ERBB4: variants seen among roughly 807,000 people sequenced by gnomAD.
ERBB4 encodes the protein receptor tyrosine-protein kinase erbB-4.
Under a neutral mutation model 158.0 loss-of-function variants are expected in ERBB4, and 42 were observed. That is an observed-to-expected ratio of 0.27 (90% CI 0.21 to 0.34). The LOEUF is 0.34. ERBB4 is among the 10% of genes least tolerant of loss of function. The probability of loss-of-function intolerance (pLI) is 1.00; values close to 1 mark genes in which losing one functional copy is unlikely to be tolerated. For missense variants in ERBB4, 1,333 were observed against 1,624.1 expected (o/e 0.82, Z 3.08); for synonymous variants, 583 against 558.7 (o/e 1.04, Z -0.61).
rs537957710 is a variant in ERBB4, at chr2:211,574,115, G to A, written c.2302-12027C>T. On this transcript the variant is annotated intron_variant, in intron 19 of 27. Transcript: ENST00000342788. ...TATCTAAAGGGAATAAAATCGTTAA[G>A]CAATAAGGCATGACTGAATCTGGAA... Among the ~76,000 whole-genome samples the A allele has an allele frequency of 2.0e-4, 30 of 152,282 alleles. No homozygotes were observed. The South Asian group carries it at 5.2e-3, about 26-fold the overall frequency.
chr2:211,850,368 T>C (rs970746922), intron 3 of ERBB4, among the ~76,000 whole-genome samples: 1 of 151,896 alleles, frequency 6.6e-6, no homozygotes, highest in Non-Finnish European at 1.5e-5. Flanking sequence ...AACATATATG[T>C]AGTGTATATA....
rs376951841 is a variant in ERBB4 at position 211,700,768 on chromosome 2, G to C, written c.1489+1199C>G. On this transcript the variant is annotated intron_variant, in intron 12 of 27. Transcript: ENST00000342788. ...ACACAAACTCAATCATTATTTATGT[G>C]TACCCTGGAGAGATCAAAGAAGTAA... 1.7e-4 allele frequency among the ~76,000 whole-genome samples: 26 copies of C among 152,078 alleles called. 1 individual carries two copies. Among genetic ancestry groups the C allele is most frequent in the African/African-American group, 6.3e-4 (26 of 41,494 alleles).
rs986536227 is a variant in ERBB4 at position 211,377,086 on chromosome 2, G to T, written c.*6529C>A. The stretch of plus-strand genomic sequence containing the variant: ...CTGGAGTAATCCCAAAAGGGTTCTT[G>T]GAGTGCTATGGTTGTAGTCCCCTCA... On this transcript the variant is annotated 3_prime_UTR_variant, in exon 28 of 28. Transcript: ENST00000342788. 2.6e-5 allele frequency: 6 copies of T among 233,020 alleles called. No individual in the cohort carries two copies. Among genetic ancestry groups the T allele is most frequent in the South Asian group, 3.6e-4 (2 of 5,520 alleles). 14.4% of individuals were successfully genotyped at this position (233,020 alleles called of 1,614,324 possible). A position where few individuals can be genotyped will look rare whatever the true frequency, so the allele number is the denominator to read the frequency against.
intron 20 of ERBB4, among the ~76,000 whole-genome samples, chr2:211,549,552 G>A (rs972084379): frequency 1.3e-5 from 2 of 152,004 alleles, no homozygotes; most frequent in Non-Finnish European, 2.9e-5. Flanking sequence ...CACGTTGATC[G>A]GGTACAAGAG....
chr2:212,161,822 G>C (rs2081210375), intron 1 of ERBB4, among the ~76,000 whole-genome samples: 1 of 151,760 alleles, frequency 6.6e-6, no homozygotes. Context: ...GTGTAACGTG[G>C]TGATAAAAAT....
At chr2:212,200,011 A>G (rs1298861074) in intron 1 of ERBB4, among the ~76,000 whole-genome samples, 1 of 152,218 alleles carries the variant, frequency 6.6e-6, no homozygotes, top group East Asian at 1.9e-4. Context: ...AATTTTTAAC[A>G]AAACAAAAGT....
chr2:212,457,622 G>A (rs953240809), intron 1 of ERBB4, among the ~76,000 whole-genome samples: 1 of 151,966 alleles, frequency 6.6e-6, no homozygotes, highest in South Asian at 2.1e-4. Flanking sequence ...TTCTACATCT[G>A]TTATCTTTAA....
At chr2:211,656,133 G>T (rs1255766098) in intron 16 of ERBB4, among the ~76,000 whole-genome samples, 1 of 152,144 alleles carries the variant, frequency 6.6e-6, no homozygotes, top group African/African-American at 2.4e-5. Flanking sequence ...CTGACCTATG[G>T]TATTACCATT....
At chr2:212,496,729 C>G (rs1690595338) in intron 1 of ERBB4, among the ~76,000 whole-genome samples, 1 of 152,108 alleles carries the variant, frequency 6.6e-6, no homozygotes, top group Non-Finnish European at 1.5e-5. Flanking sequence ...TCAAGAGTAT[C>G]TATCTCTATG....
chr2:211,953,485 A>AAG (rs1553519255), intron 2 of ERBB4, among the ~76,000 whole-genome samples: 4 of 150,908 alleles, frequency 2.7e-5, no homozygotes, highest in African/African-American at 9.7e-5. Context: ...AAAAAAAAAA[A>AAG]AAGAAGAAGA....
chr2:212,433,531 A>G (rs1458403231), intron 1 of ERBB4, among the ~76,000 whole-genome samples: 3 of 151,976 alleles, frequency 2.0e-5, no homozygotes, highest in Admixed American at 2.0e-4. Flanking sequence ...CCAAATTACA[A>G]AAAGTTGCAA....
intron 2 of ERBB4, among the ~76,000 whole-genome samples, chr2:212,068,935 G>T (rs1165531465): frequency 6.6e-6 from 1 of 151,954 alleles, no homozygotes; most frequent in Non-Finnish European, 1.5e-5. Flanking sequence ...AATGAATTTG[G>T]AACTCAGGTT....
chr2:212,303,347 T>C (rs555183008), intron 1 of ERBB4, among the ~76,000 whole-genome samples: 1 of 135,748 alleles, frequency 7.4e-6, no homozygotes, highest in South Asian at 2.6e-4. Flanking sequence ...TACCCTCTGC[T>C]AGATCATGTC....
Position 211,719,238 on chromosome 2 carries a change from G to A in ERBB4, c.883+3155C>T, listed in dbSNP as rs181894217. On this transcript the variant is annotated intron_variant, in intron 7 of 27. Coordinates refer to ENST00000342788, the MANE Select transcript of ERBB4 (RefSeq NM_005235.3). ...TACCACGATTGCTTTGATTCAGAGC[G>A]ACTTCTGCAATTTCACCATCAGTCA... is the stretch of plus-strand genomic sequence containing the variant. Among the ~76,000 whole-genome samples the A allele has an allele frequency of 4.9e-3, 739 of 152,216 alleles. 1 individual carries two copies. The highest frequency in any genetic ancestry group is 7.8e-3 in the Non-Finnish European group (530 of 68,026).
chr2:212,339,653 G>A (rs975417477), intron 1 of ERBB4, among the ~76,000 whole-genome samples: 1 of 152,122 alleles, frequency 6.6e-6, no homozygotes, highest in Non-Finnish European at 1.5e-5. Context: ...TTATTAAAAT[G>A]CAGCTAAACT....
chr2:212,131,969 A>G (rs998209470), intron 1 of ERBB4, among the ~76,000 whole-genome samples: 3 of 152,218 alleles, frequency 2.0e-5, no homozygotes, highest in Non-Finnish European at 4.4e-5. Flanking sequence ...TGTAATTGCC[A>G]TAAGTATTTA....
chr2:212,538,583 C>A lies in ERBB4; in HGVS notation c.-53G>T, dbSNP rs1303963435. The A allele has an allele frequency of 1.3e-6, 2 of 1,549,322 alleles. No homozygotes were observed. Among genetic ancestry groups the A allele is most frequent in the Non-Finnish European group, 1.8e-6 (2 of 1,121,004 alleles). ...ACAATTACATGTCCAAATGGCATATCCCCCTTTCGGGCACGCGGAGGAGAT... is the reference window on the plus strand; with the variant it reads ...ACAATTACATGTCCAAATGGCATATACCCCTTTCGGGCACGCGGAGGAGAT... On this transcript the variant is annotated 5_prime_UTR_variant, in exon 1 of 28. Coordinates refer to ENST00000342788, the MANE Select transcript of ERBB4 (RefSeq NM_005235.3).
intron 2 of ERBB4, among the ~76,000 whole-genome samples, chr2:212,063,657 A>AC: frequency 6.6e-6 from 1 of 152,338 alleles, no homozygotes; most frequent in South Asian, 2.1e-4. Context: ...TTTAAAATTT[A>AC]GGGATGGCAA....
chr2:212,536,014 C>T (rs1203120462), intron 1 of ERBB4, among the ~76,000 whole-genome samples: 2 of 152,194 alleles, frequency 1.3e-5, no homozygotes, highest in African/African-American at 4.8e-5. Context: ...TCCCTCGTTT[C>T]CTTAATTTGT....
Sources: allele counts gnomAD v4.1 joint callset (sites outside exome capture counted in the v4.1 genomes callset), GRCh38; gene constraint gnomAD v4.1.1; transcripts MANE v1.5; gene names NCBI Gene and HGNC (gene_info 2026-07-23, HGNC 2026-07-21).